Variants in FCHSD2 observed in about 807,000 individuals in gnomAD.
FCHSD2 encodes FCH and double SH3 domains 2.
A neutral mutation model predicts 108.1 loss-of-function variants in FCHSD2; 38 were observed. The observed-to-expected ratio is 0.35, with a 90% CI of 0.27 to 0.46. The LOEUF (loss-of-function observed/expected upper bound fraction) is 0.46. Ranked by LOEUF, FCHSD2 falls within the 20% of genes least tolerant of loss-of-function variation. FCHSD2 has a pLI of 1.00. For synonymous variants in FCHSD2, 279 were observed against 314.7 expected (o/e 0.89, Z 1.20); for missense variants, 751 against 897.8 (o/e 0.84, Z 2.09).
At chr11:73,078,712 G>A (rs1859612510) in intron 3 of FCHSD2, among the ~76,000 whole-genome samples, 1 of 151,908 alleles carries the variant, frequency 6.6e-6, no homozygotes, top group African/African-American at 2.4e-5. Context: ...AATGTTCTTG[G>A]GGGATAGGGG....
chr11:72,948,823 G>A (rs1423978039), intron 8 of FCHSD2, among the ~76,000 whole-genome samples: 2 of 151,848 alleles, frequency 1.3e-5, no homozygotes, highest in Admixed American at 6.6e-5. Context: ...CCGCCACTAC[G>A]CCTGGCTAAT....
intron 8 of FCHSD2, among the ~76,000 whole-genome samples, chr11:72,934,331 C>CTTTTT (rs1235013217): frequency 7.5e-6 from 1 of 133,076 alleles, no homozygotes; most frequent in African/African-American, 2.8e-5. Context: ...AGAGCCATGC[C>CTTTTT]TTTTTTTTTT....
intron 1 of FCHSD2, among the ~76,000 whole-genome samples, chr11:73,140,682 T>C (rs888706157): frequency 6.6e-6 from 1 of 152,264 alleles, no homozygotes; most frequent in Non-Finnish European, 1.5e-5. Flanking sequence ...CACAATCTCT[T>C]TCTCACAAAG....
intron 3 of FCHSD2, among the ~76,000 whole-genome samples, chr11:73,021,019 G>A (rs1161342984): frequency 1.3e-5 from 2 of 151,974 alleles, no homozygotes; most frequent in African/African-American, 4.8e-5. Flanking sequence ...TGGGACTGCA[G>A]GTGCATGCCA....
chr11:73,061,179 G>C (rs1859153833), intron 3 of FCHSD2, among the ~76,000 whole-genome samples: 1 of 152,072 alleles, frequency 6.6e-6, no homozygotes. Context: ...AAGCAGGGTG[G>C]GGGGTCACCT....
chr11:72,926,746 G>C (rs1856084003), intron 8 of FCHSD2, among the ~76,000 whole-genome samples: 1 of 152,196 alleles, frequency 6.6e-6, no homozygotes, highest in African/African-American at 2.4e-5. Context: ...CATGGCCACA[G>C]AGGTTTCTAG....
intron 2 of FCHSD2, among the ~76,000 whole-genome samples, chr11:73,094,884 C>T (rs759123336): frequency 9.2e-5 from 14 of 152,018 alleles, no homozygotes; most frequent in Non-Finnish European, 2.1e-4. Flanking sequence ...ACGAGGCAAG[C>T]GGAACGAACA....
intron 4 of FCHSD2, among the ~76,000 whole-genome samples, chr11:73,008,531 T>G (rs1468161243): frequency 1.3e-5 from 2 of 152,112 alleles, no homozygotes; most frequent in Non-Finnish European, 2.9e-5. Context: ...GTGGAGGTGT[T>G]GATAAGAACT....
At chr11:72,901,570 G>C (rs1320438988) in intron 10 of FCHSD2, among the ~76,000 whole-genome samples, 1 of 152,006 alleles carries the variant, frequency 6.6e-6, no homozygotes, top group Non-Finnish European at 1.5e-5. Flanking sequence ...AAATGTTGTG[G>C]AACTACCAAG....
intron 17 of FCHSD2, among the ~76,000 whole-genome samples, chr11:72,841,959 A>T (rs1314596497): frequency 2.0e-5 from 3 of 152,212 alleles, no homozygotes; most frequent in African/African-American, 7.2e-5. Flanking sequence ...TACTTTGCTG[A>T]ATTTCTGACT....
chr11:73,117,357 T>C (rs964019785), intron 2 of FCHSD2, among the ~76,000 whole-genome samples: 1 of 152,238 alleles, frequency 6.6e-6, no homozygotes, highest in Non-Finnish European at 1.5e-5. Context: ...TCTTAAATAC[T>C]ACATAATAAT....
intron 3 of FCHSD2, among the ~76,000 whole-genome samples, chr11:73,052,313 G>GA (rs1217916862): frequency 1.3e-5 from 2 of 152,136 alleles, no homozygotes; most frequent in African/African-American, 4.8e-5. Flanking sequence ...GTAATGACAA[G>GA]AAAGTATTCT....
chr11:73,007,279 A>G (rs1388914981), intron 4 of FCHSD2, among the ~76,000 whole-genome samples: 9 of 152,206 alleles, frequency 5.9e-5, no homozygotes, highest in Admixed American at 4.6e-4. Context: ...ATCATATAAG[A>G]TATCTAGGAA....
At chr11:73,074,436 C>T (rs549152619) in intron 3 of FCHSD2, among the ~76,000 whole-genome samples, 4 of 152,108 alleles carry the variant, frequency 2.6e-5, no homozygotes, top group Non-Finnish European at 4.4e-5. Context: ...CACCCCAATA[C>T]AATATCACAT....
chr11:72,930,560 C>A (rs1466510380), intron 8 of FCHSD2, among the ~76,000 whole-genome samples: 1 of 152,152 alleles, frequency 6.6e-6, no homozygotes, highest in Admixed American at 6.5e-5. Flanking sequence ...GCCTCACCAA[C>A]AAGGTGAAAC....
At chr11:72,892,511 T>C (rs924040945) in intron 10 of FCHSD2, among the ~76,000 whole-genome samples, 1 of 152,198 alleles carries the variant, frequency 6.6e-6, no homozygotes, top group African/African-American at 2.4e-5. Flanking sequence ...TATTAAACAA[T>C]ACACAGAGAA....
rs189651189 is a variant in FCHSD2, at chr11:72,926,890, T to C, written c.706-4940A>G. 2.7e-3 allele frequency among the ~76,000 whole-genome samples: 409 copies of C among 152,332 alleles called. 1 individual carries two copies. The highest frequency in any genetic ancestry group is 4.9e-3 in the Non-Finnish European group (333 of 68,022). ...TAAGTTGGAAGAATGTCAGCCAGAATTATACAGATGTGCATTATTTAACAT... is the reference window on the plus strand; with the variant it reads ...TAAGTTGGAAGAATGTCAGCCAGAACTATACAGATGTGCATTATTTAACAT... On this transcript the variant is annotated intron_variant, in intron 8 of 19. Transcript: ENST00000409418.
At position 72,907,602 on chromosome 11, in the gene FCHSD2, T is replaced by TG. The variant is rs200538165; in HGVS notation, c.829-4965_829-4964insC. 8.6e-3 allele frequency among the ~76,000 whole-genome samples: 1,249 copies of TG among 145,792 alleles called. 18 individuals are homozygous for TG. The highest frequency in any genetic ancestry group is 0.03 in the African/African-American group (1,186 of 39,284). On this transcript the variant is annotated intron_variant, in intron 9 of 19. Transcript: ENST00000409418. ...ATCTATTGAGATAATCACGTGGGTT[T>TG]TTTTTTTTTTTTTTTTTCTTGAGAC...
At chr11:73,004,079 G>A (rs1410214142) in intron 4 of FCHSD2, among the ~76,000 whole-genome samples, 12 of 115,520 alleles carry the variant, frequency 1.0e-4, no homozygotes, top group African/African-American at 3.1e-4. Flanking sequence ...ACTGCACTCC[G>A]GCCTGGGCAA....
Sources: allele counts gnomAD v4.1 joint callset (sites outside exome capture counted in the v4.1 genomes callset), GRCh38; gene constraint gnomAD v4.1.1; transcripts MANE v1.5; gene names NCBI Gene and HGNC (gene_info 2026-07-23, HGNC 2026-07-21).